Variants in HPRT1 observed in about 807,000 individuals in gnomAD.
HPRT1 encodes hypoxanthine-guanine phosphoribosyltransferase.
A neutral mutation model predicts 19.0 loss-of-function variants in HPRT1; 4 were observed. That is an observed-to-expected ratio of 0.21 (90% confidence interval 0.10 to 0.48). The LOEUF (loss-of-function observed/expected upper bound fraction) is 0.48. Among genes scored for constraint, HPRT1 ranks in the 20% least tolerant of loss-of-function variants. The pLI is 0.98. For missense variants in HPRT1, 65 were observed against 164.0 expected, an observed-to-expected ratio of 0.40 and a Z score of 3.30; for synonymous variants, 53 against 54.9, an observed-to-expected ratio of 0.97 and a Z score of 0.15.
At chrX:134,478,481 C>A (rs914901951) in intron 3 of HPRT1, among the ~76,000 whole-genome samples, 1 of 110,548 alleles carries the variant, frequency 9.0e-6, no homozygotes, top group Non-Finnish European at 1.9e-5. Flanking sequence ...TGCATGGTGG[C>A]GTGCACCTGT....
intron 1 of HPRT1, among the ~76,000 whole-genome samples, chrX:134,466,826 A>C (rs1462563121): frequency 8.9e-6 from 1 of 111,740 alleles, no homozygotes; most frequent in African/African-American, 3.3e-5. Context: ...AGGCAGTAGA[A>C]TGTAATCACT....
At chrX:134,468,114 CT>C (rs760551755) in intron 1 of HPRT1, among the ~76,000 whole-genome samples, 7 of 108,572 alleles carry the variant, frequency 6.4e-5, no homozygotes, top group Admixed American at 2.0e-4. Flanking sequence ...GCCCAGCCGT[CT>C]TTTTTTTTAA....
intron 2 of HPRT1, among the ~76,000 whole-genome samples, chrX:134,474,676 A>G (rs751166139): frequency 2.7e-5 from 3 of 111,469 alleles, no homozygotes; most frequent in Admixed American, 9.6e-5. Context: ...CCCAGTTTCT[A>G]CAGTCTCTCT....
chrX:134,486,397 A>G (rs1365466130), intron 3 of HPRT1, 68 bp from the exon 4 acceptor site: 3 of 550,004 alleles, frequency 5.5e-6, no homozygotes, highest in African/African-American at 2.5e-5. Flanking sequence ...GTGTGTGTAC[A>G]TAAGGATATA....
At chrX:134,472,900 T>C (rs2077614274) in intron 1 of HPRT1, among the ~76,000 whole-genome samples, 1 of 109,919 alleles carries the variant, frequency 9.1e-6, no homozygotes, top group Non-Finnish European at 1.9e-5. Flanking sequence ...TTGTTTTGTT[T>C]TTTTTGAGAC....
rs571467154 is a variant in HPRT1, at chrX:134,497,549, G to A, written c.486-841G>A. ...CTCGGCAGGCTGAGGCAGGAGAATCGCTTGAACCTGGGAGGCAGAGGTTGT... is the reference window on the plus strand; with the variant it reads ...CTCGGCAGGCTGAGGCAGGAGAATCACTTGAACCTGGGAGGCAGAGGTTGT... On this transcript the variant is annotated intron_variant, in intron 6 of 8. Coordinates refer to ENST00000298556, the MANE Select transcript of HPRT1 (RefSeq NM_000194.3). Among the ~76,000 whole-genome samples the A allele has an allele frequency of 1.4e-4, 16 of 110,800 alleles. No individual in the cohort carries two copies. In the South Asian group the frequency reaches 5.8e-3, roughly 40 times the overall value.
intron 3 of HPRT1, among the ~76,000 whole-genome samples, chrX:134,479,926 TTTTTA>T (rs929322871): frequency 9.9e-5 from 11 of 110,815 alleles, no homozygotes; most frequent in Non-Finnish European, 1.5e-4. Flanking sequence ...TTTATTTTTA[TTTTTA>T]TTTTATTTTA....
intron 1 of HPRT1, among the ~76,000 whole-genome samples, chrX:134,462,183 ATTTAT>A (rs2077586028): frequency 9.1e-6 from 1 of 109,877 alleles, no homozygotes; most frequent in African/African-American, 3.3e-5. Context: ...TTATTTATTT[ATTTAT>A]TTATTTTTTG....
intron 1 of HPRT1, among the ~76,000 whole-genome samples, chrX:134,464,965 G>A (rs996053826): frequency 2.6e-4 from 29 of 109,614 alleles, no homozygotes; most frequent in African/African-American, 9.3e-4. Context: ...TTGTTGCCCA[G>A]ACTGTAGTGC....
At chrX:134,498,015 G>T (rs935871102) in intron 6 of HPRT1, among the ~76,000 whole-genome samples, 10 of 112,176 alleles carry the variant, frequency 8.9e-5, no homozygotes, top group African/African-American at 3.2e-4. Context: ...TATAGTTTAG[G>T]GATTGTATTT....
intron 1 of HPRT1, among the ~76,000 whole-genome samples, chrX:134,471,728 C>T (rs753051411): frequency 9.1e-6 from 1 of 109,722 alleles, no homozygotes; most frequent in East Asian, 2.9e-4. Flanking sequence ...GCAACCTCCA[C>T]CTCCCGGGCT....
rs752517129 is a variant in HPRT1, at chrX:134,496,112, CTAGGTCATA to C, written c.486-2274_486-2266del. Among the ~76,000 whole-genome samples the C allele has an allele frequency of 1.2e-4, 13 of 111,933 alleles. No homozygotes were observed. In the East Asian group the frequency reaches 3.4e-3, roughly 29 times the overall value. ...TTCAGGTCTCTTGAGTATATAGTTG[CTAGGTCATA>C]TAGTAACTCTGTGTTTAACATTTTG... On this transcript the variant is annotated intron_variant, in intron 6 of 8. Coordinates refer to ENST00000298556, the MANE Select transcript of HPRT1 (RefSeq NM_000194.3).
chrX:134,476,455 C>T (rs967397043), intron 3 of HPRT1, among the ~76,000 whole-genome samples: 18 of 111,992 alleles, frequency 1.6e-4, no homozygotes, highest in Non-Finnish European at 3.2e-4. Flanking sequence ...GACTTTTACT[C>T]AACAAAAGTG....
intron 8 of HPRT1, 96 bp from the exon 9 acceptor site, chrX:134,499,934 T>C (rs1396434893): frequency 1.7e-6 from 1 of 591,250 alleles, no homozygotes; most frequent in Non-Finnish European, 2.9e-6. Flanking sequence ...GTAAGAACCC[T>C]GACAACTAAT....
chrX:134,468,112 G>T (rs113651615), intron 1 of HPRT1, among the ~76,000 whole-genome samples: 2 of 109,108 alleles, frequency 1.8e-5, no homozygotes, highest in African/African-American at 6.7e-5. Context: ...GCGCCCAGCC[G>T]TCTTTTTTTT....
chrX:134,492,380 C>A, intron 5 of HPRT1: 1 of 225,295 alleles, frequency 4.4e-6, no homozygotes, highest in Non-Finnish European at 8.7e-6. Context: ...GACAATTATC[C>A]TTAAAGTTGA....
At chrX:134,484,308 TTTTC>T (rs1450903284) in intron 3 of HPRT1, among the ~76,000 whole-genome samples, 4 of 112,553 alleles carry the variant, frequency 3.6e-5, no homozygotes, top group Admixed American at 9.4e-5. Flanking sequence ...GCTTGTTGCC[TTTTC>T]TTTCTTTCTT....
chrX:134,491,037 C>A (rs2077665229), intron 5 of HPRT1, among the ~76,000 whole-genome samples: 1 of 105,274 alleles, frequency 9.5e-6, no homozygotes, highest in South Asian at 4.3e-4. Flanking sequence ...TTATCACTGT[C>A]TAACAGCCTC....
intron 2 of HPRT1, among the ~76,000 whole-genome samples, chrX:134,474,946 A>G (rs1378189060): frequency 1.8e-5 from 2 of 110,638 alleles, no homozygotes; most frequent in Admixed American, 1.9e-4. Context: ...CAGTGGCACA[A>G]TCACAGTTCA....
Sources: gnomAD v4.1 joint callset for allele counts (sites outside exome capture counted in the v4.1 genomes callset) on GRCh38, gnomAD v4.1.1 for gene constraint, MANE v1.5 for transcripts, NCBI Gene and HGNC (gene_info 2026-07-23, HGNC 2026-07-21) for gene names.